Variants in LRRC37A2 observed in about 807,000 individuals in gnomAD.
LRRC37A2 encodes leucine-rich repeat-containing protein 37A2.
A neutral mutation model predicts 68.8 loss-of-function variants in LRRC37A2; 9 were observed. That is an observed-to-expected ratio of 0.13 (90% confidence interval 0.08 to 0.23). The LOEUF (loss-of-function observed/expected upper bound fraction) is 0.23, where lower values mean the gene tolerates loss of function less well. LRRC37A2 is among the 10% of genes least tolerant of loss of function. The probability of loss-of-function intolerance (pLI) is 1.00; values close to 1 mark genes in which losing one functional copy is unlikely to be tolerated. For synonymous variants in LRRC37A2, 63 were observed against 367.6 expected (o/e 0.17, Z 9.48); for missense variants, 168 against 950.4 (o/e 0.18, Z 10.82).
At chr17:46,850,552 T>C in the LRRC37A2 span, among the ~76,000 whole-genome samples, 25,527 of 152,140 alleles carry the variant, frequency 0.17, 2,456 homozygotes, top group East Asian at 0.39. Context: ...TTGGAAACTT[T>C]ACATGCAGAT....
chr17:46,722,178 T>TG, the LRRC37A2 span: 1 of 1,609,668 alleles, frequency 6.2e-7, no homozygotes, highest in African/African-American at 1.3e-5. Flanking sequence ...GGCTTTCTCC[T>TG]GGGAGAACTT....
intron 3 of LRRC37A2, 138 bp downstream of exon 2, chr17:46,517,571 T>A (rs2051568784): frequency 5.1e-6 from 1 of 194,272 alleles, no homozygotes; most frequent in Non-Finnish European, 1.0e-5. Flanking sequence ...TGATTGCAAT[T>A]GTATGGTTAT....
the LRRC37A2 span, among the ~76,000 whole-genome samples, chr17:47,046,552 TGAA>T: frequency 6.6e-5 from 9 of 135,870 alleles, 1 homozygote; most frequent in Non-Finnish European, 1.1e-4. Context: ...ATTATTTCAT[TGAA>T]GAAGAACTCC....
chr17:47,000,427 G>A, the LRRC37A2 span, among the ~76,000 whole-genome samples: 1 of 151,940 alleles, frequency 6.6e-6, no homozygotes, highest in Non-Finnish European at 1.5e-5. Context: ...TAGGGATGGG[G>A]TTCTGCCATG....
chr17:46,938,980 T>A, the LRRC37A2 span: 1 of 1,413,886 alleles, frequency 7.1e-7, no homozygotes, highest in Non-Finnish European at 9.3e-7. Context: ...GCTTAGGAAA[T>A]GAAAGAAGTC....
chr17:46,991,162 T>C, the LRRC37A2 span, among the ~76,000 whole-genome samples: 9 of 152,198 alleles, frequency 5.9e-5, no homozygotes, highest in East Asian at 5.8e-4. Flanking sequence ...ATAGTCATCA[T>C]CTTCTGAGAT....
chr17:46,779,103 A>ACACACACACACACACACAC, the LRRC37A2 span, among the ~76,000 whole-genome samples: 49 of 133,656 alleles, frequency 3.7e-4, no homozygotes, highest in African/African-American at 1.3e-3. Flanking sequence ...ACACACACAC[A>ACACACACACACACACACAC]CCCCAGCCCA....
At chr17:47,001,453 T>C in the LRRC37A2 span, among the ~76,000 whole-genome samples, 4 of 152,174 alleles carry the variant, frequency 2.6e-5, no homozygotes, top group Non-Finnish European at 5.9e-5. Flanking sequence ...ATAAAATGTA[T>C]TTTGTGTAAT....
chr17:46,935,161 A>G, the LRRC37A2 span: 3 of 1,614,124 alleles, frequency 1.9e-6, no homozygotes, highest in Non-Finnish European at 2.5e-6. Flanking sequence ...CCAGAGACTG[A>G]CCTTGAAGGT....
chr17:46,858,581 G>C, the LRRC37A2 span, among the ~76,000 whole-genome samples: 2 of 152,068 alleles, frequency 1.3e-5, no homozygotes, highest in East Asian at 3.9e-4. Flanking sequence ...AATTCTGTTG[G>C]TGGTGATAAA....
chr17:46,941,453 C>T, the LRRC37A2 span: 1 of 983,272 alleles, frequency 1.0e-6, no homozygotes, highest in Non-Finnish European at 1.2e-6. Context: ...TCAAACACTG[C>T]TCCATGGCCA....
chr17:46,736,113 G>A, the LRRC37A2 span, among the ~76,000 whole-genome samples: 1 of 152,294 alleles, frequency 6.6e-6, no homozygotes, highest in Middle Eastern at 3.4e-3. Context: ...GCAGTACTGG[G>A]AAAAGAAACC....
At chr17:46,878,470 A>T in the LRRC37A2 span, among the ~76,000 whole-genome samples, 1 of 152,206 alleles carries the variant, frequency 6.6e-6, no homozygotes, top group African/African-American at 2.4e-5. Flanking sequence ...GGCCCGGCTG[A>T]GAAGCCAAAC....
intron 6 of LRRC37A2, among the ~76,000 whole-genome samples, chr17:46,534,933 C>T (rs1243146247): frequency 4.0e-5 from 6 of 149,766 alleles, no homozygotes; most frequent in Non-Finnish European, 8.8e-5. Flanking sequence ...TCAGATGGGG[C>T]GGCTGCCAGG....
At chr17:46,931,845 A>T in the LRRC37A2 span, 1 of 591,010 alleles carries the variant, frequency 1.7e-6, no homozygotes, top group Non-Finnish European at 3.0e-6. Context: ...TCTGAAGTCA[A>T]GCTGCTGGAA....
the LRRC37A2 span, chr17:46,917,176 T>C: frequency 6.6e-6 from 1 of 152,148 alleles, no homozygotes; most frequent in African/African-American, 2.4e-5. Context: ...CAATCCAGCA[T>C]CAACTCAAAA....
the LRRC37A2 span, chr17:46,886,238 G>A: frequency 6.6e-6 from 1 of 152,256 alleles, no homozygotes; most frequent in Non-Finnish European, 1.5e-5. Context: ...AGTTGCATTG[G>A]TATGAAGCAT....
At chr17:46,726,460 T>C in the LRRC37A2 span, 3 of 1,141,560 alleles carry the variant, frequency 2.6e-6, no homozygotes, top group Admixed American at 5.1e-5. Flanking sequence ...GTGCTTTGTT[T>C]AGTATTGCTC....
At chr17:46,917,758 A>G in the LRRC37A2 span, among the ~76,000 whole-genome samples, 1 of 152,224 alleles carries the variant, frequency 6.6e-6, no homozygotes, top group Non-Finnish European at 1.5e-5. Flanking sequence ...AATAAATAGC[A>G]TTAGGAACTG....
Sources: allele counts gnomAD v4.1 joint callset (sites outside exome capture counted in the v4.1 genomes callset), GRCh38; gene constraint gnomAD v4.1.1; transcripts MANE v1.5; gene names NCBI Gene and HGNC (gene_info 2026-07-23, HGNC 2026-07-21).